Variants in RSRC1 observed in about 807,000 individuals in gnomAD.
The protein encoded by RSRC1 is serine/Arginine-related protein 53.
A neutral mutation model predicts 49.1 loss-of-function variants in RSRC1; 39 were observed. The ratio of observed to expected loss-of-function variants is 0.79; its 90% CI spans 0.61 to 1.04. The LOEUF is 1.04. Ranked by LOEUF, RSRC1 falls within the 50% of genes least tolerant of loss-of-function variation. RSRC1 has a pLI of 0.00. For missense variants in RSRC1, 388 were observed against 402.4 expected (o/e 0.96, Z 0.31); for synonymous variants, 143 against 130.8 (o/e 1.09, Z -0.63).
At chr3:158,283,336 A>G (rs749557122) in intron 4 of RSRC1, among the ~76,000 whole-genome samples, 15 of 151,936 alleles carry the variant, frequency 9.9e-5, no homozygotes, top group Non-Finnish European at 2.1e-4. Flanking sequence ...TTTTTCATGG[A>G]AGACACTTTA....
chr3:158,123,944 G>T lies in RSRC1; in HGVS notation c.273G>T (p.Gly91=). The stretch of plus-strand genomic sequence containing the variant: ...GTCGAAGTCGTTCAAGGGGTCGAGG[G>T]AAATCCTATAGAGTTCAGAGGTCTA... The part of the protein sequence containing the change: ...KRSRSRSRGR[G]KSYRVQRSRS... The change falls in exon 3 of 10, where the codon GGG becomes GGT. Residue 91 remains glycine (G), a synonymous_variant. Transcript: ENST00000611884. 1 of 1,612,866 alleles carries T rather than the reference G, an allele frequency of 6.2e-7. No homozygotes were observed. The highest frequency in any genetic ancestry group is 1.1e-5 in the South Asian group (1 of 90,986).
intron 4 of RSRC1, among the ~76,000 whole-genome samples, chr3:158,243,384 T>C (rs1723706291): frequency 1.3e-5 from 2 of 152,182 alleles, no homozygotes; most frequent in Non-Finnish European, 2.9e-5. Context: ...CTGGGTTTTC[T>C]CTTCTCTTCC....
intron 4 of RSRC1, among the ~76,000 whole-genome samples, chr3:158,204,683 A>G (rs1392316988): frequency 1.3e-5 from 2 of 152,154 alleles, no homozygotes; most frequent in African/African-American, 2.4e-5. Flanking sequence ...AAACTTGTCA[A>G]TCAAGGAACT....
chr3:158,252,160 AT>A (rs34449906), intron 4 of RSRC1, among the ~76,000 whole-genome samples: 12,996 of 142,600 alleles, frequency 0.091, 649 homozygotes, highest in Middle Eastern at 0.15. Context: ...ATGATGAATG[AT>A]TTTTTTTTTT....
At chr3:158,110,919 C>T (rs1714346831) in intron 1 of RSRC1, among the ~76,000 whole-genome samples, 1 of 152,156 alleles carries the variant, frequency 6.6e-6, no homozygotes, top group African/African-American at 2.4e-5. Flanking sequence ...TTTAGGTTAA[C>T]CTTGACGTAA....
At chr3:158,356,021 A>C (rs1731138243) in intron 6 of RSRC1, among the ~76,000 whole-genome samples, 1 of 151,930 alleles carries the variant, frequency 6.6e-6, no homozygotes, top group Non-Finnish European at 1.5e-5. Flanking sequence ...AACAATTATA[A>C]TAATATACTT....
intron 7 of RSRC1, among the ~76,000 whole-genome samples, chr3:158,534,101 A>G (rs756727521): frequency 3.3e-5 from 5 of 151,568 alleles, no homozygotes; most frequent in Non-Finnish European, 5.9e-5. Context: ...GCTACTTGCA[A>G]GCATTTCATT....
chr3:158,511,503 T>G (rs1032848989), intron 7 of RSRC1, among the ~76,000 whole-genome samples: 1 of 152,256 alleles, frequency 6.6e-6, no homozygotes, highest in African/African-American at 2.4e-5. Context: ...GTGCCACATT[T>G]TCTTACTCCA....
intron 7 of RSRC1, among the ~76,000 whole-genome samples, chr3:158,491,464 G>A (rs1739080845): frequency 6.6e-6 from 1 of 152,044 alleles, no homozygotes; most frequent in Non-Finnish European, 1.5e-5. Context: ...GGTTTGGTTT[G>A]GTTTTTTTGG....
intron 4 of RSRC1, among the ~76,000 whole-genome samples, chr3:158,296,354 G>A (rs773780056): frequency 4.0e-5 from 6 of 151,708 alleles, no homozygotes; most frequent in Non-Finnish European, 8.8e-5. Context: ...ACACACACAC[G>A]AGTGCATATC....
At chr3:158,459,573 A>G (rs982635152) in intron 6 of RSRC1, among the ~76,000 whole-genome samples, 1 of 152,124 alleles carries the variant, frequency 6.6e-6, no homozygotes, top group African/African-American at 2.4e-5. Flanking sequence ...AATTACACAT[A>G]TAACCAAAAT....
In RSRC1 at chr3:158,335,622, G is replaced by T. The variant is rs568190824; in HGVS notation, c.532-19235G>T. On this transcript the variant is annotated intron_variant, in intron 5 of 9. Transcript: ENST00000611884. ...TGCAATGGAAAGGATAAGTAGAAAG[G>T]ATATAGCTGCAAAAGTCTAGATTTG... 2.0e-4 allele frequency among the ~76,000 whole-genome samples: 31 copies of T among 152,300 alleles called. No individual in the cohort carries two copies. The East Asian group carries it at 4.2e-3, about 21-fold the overall frequency.
intron 4 of RSRC1, among the ~76,000 whole-genome samples, chr3:158,246,902 T>G (rs559632910): frequency 1.3e-5 from 2 of 152,280 alleles, no homozygotes; most frequent in East Asian, 3.9e-4. Flanking sequence ...TTCTCTGCAT[T>G]TTCTGAATTT....
intron 4 of RSRC1, chr3:158,276,086 G>T: frequency 1.1e-6 from 1 of 883,476 alleles, no homozygotes; most frequent in Non-Finnish European, 1.9e-6. Flanking sequence ...AGGACTCTTA[G>T]AGCCCCACAG....
intron 7 of RSRC1, among the ~76,000 whole-genome samples, chr3:158,534,216 C>CTA (rs1399008132): frequency 6.6e-6 from 1 of 151,634 alleles, no homozygotes; most frequent in Non-Finnish European, 1.5e-5. Context: ...TTGCACAAGA[C>CTA]TATAATCATT....
intron 4 of RSRC1, among the ~76,000 whole-genome samples, chr3:158,255,878 A>G (rs561949637): frequency 6.6e-5 from 10 of 152,258 alleles, no homozygotes; most frequent in African/African-American, 2.4e-4. Flanking sequence ...TTATTGGTGT[A>G]TAGGAATGCT....
At chr3:158,209,007 T>C (rs1487382263) in intron 4 of RSRC1, among the ~76,000 whole-genome samples, 2 of 152,220 alleles carry the variant, frequency 1.3e-5, no homozygotes, top group Non-Finnish European at 2.9e-5. Flanking sequence ...TGAACAAATA[T>C]GTAAGTAGCC....
intron 5 of RSRC1, among the ~76,000 whole-genome samples, chr3:158,298,547 T>C (rs1190398664): frequency 1.3e-5 from 2 of 152,114 alleles, no homozygotes; most frequent in Non-Finnish European, 2.9e-5. Context: ...TACATTCAGA[T>C]TTAGAATATA....
chr3:158,179,311 A>G (rs1317299528), intron 3 of RSRC1, among the ~76,000 whole-genome samples: 1 of 152,220 alleles, frequency 6.6e-6, no homozygotes, highest in Non-Finnish European at 1.5e-5. Context: ...CACAACCAGA[A>G]TGTAGACATT....
Sources: allele counts gnomAD v4.1 joint callset (sites outside exome capture counted in the v4.1 genomes callset), GRCh38; gene constraint gnomAD v4.1.1; transcripts MANE v1.5; gene names NCBI Gene and HGNC (gene_info 2026-07-23, HGNC 2026-07-21).